Variants in BBX observed in about 807,000 individuals in gnomAD.
BBX encodes BBX high mobility group box domain containing.
Under a neutral mutation model 100.2 loss-of-function variants are expected in BBX, and 30 were observed. That is an observed-to-expected ratio of 0.30 (90% CI 0.22 to 0.41). BBX has a LOEUF of 0.41. Among genes scored for constraint, BBX ranks in the 10% least tolerant of loss-of-function variants. The pLI is 1.00. For missense variants in BBX, 1,023 were observed against 1,129.8 expected (o/e 0.91, Z 1.35); for synonymous variants, 376 against 388.1 (o/e 0.97, Z 0.37).
intron 3 of BBX, among the ~76,000 whole-genome samples, chr3:107,667,104 G>A (rs2058792481): frequency 6.6e-6 from 1 of 152,152 alleles, no homozygotes; most frequent in African/African-American, 2.4e-5. Flanking sequence ...CCTATCTCAA[G>A]AAGAACAGAT....
intron 2 of BBX, among the ~76,000 whole-genome samples, chr3:107,618,525 A>G (rs1478273474): frequency 6.6e-6 from 1 of 152,088 alleles, no homozygotes; most frequent in Non-Finnish European, 1.5e-5. Context: ...TTTCAAAAAA[A>G]GTATTTAGTG....
chr3:107,545,448 T>C (rs996281716), intron 2 of BBX, among the ~76,000 whole-genome samples: 1 of 152,174 alleles, frequency 6.6e-6, no homozygotes, highest in Non-Finnish European at 1.5e-5. Flanking sequence ...GGTAGCTAAA[T>C]GGAAATAAAA....
chr3:107,590,329 A>G (rs1366898556), intron 2 of BBX, among the ~76,000 whole-genome samples: 2 of 152,206 alleles, frequency 1.3e-5, no homozygotes, highest in Non-Finnish European at 2.9e-5. Flanking sequence ...TACAGTGTGT[A>G]ATGATCAGAT....
chr3:107,594,797 G>GA (rs938332723), intron 2 of BBX, among the ~76,000 whole-genome samples: 31 of 149,696 alleles, frequency 2.1e-4, no homozygotes, highest in Admixed American at 7.3e-4. Context: ...CTTGCCTGAA[G>GA]AAAAAAAAAA....
intron 2 of BBX, among the ~76,000 whole-genome samples, chr3:107,643,970 TTA>T (rs1273919361): frequency 1.3e-5 from 2 of 152,162 alleles, no homozygotes; most frequent in Non-Finnish European, 2.9e-5. Context: ...GATTCCTTCG[TTA>T]TTTTAAGAGA....
chr3:107,724,117 A>G (rs1423097794), intron 5 of BBX, among the ~76,000 whole-genome samples: 2 of 152,106 alleles, frequency 1.3e-5, no homozygotes, highest in African/African-American at 4.8e-5. Flanking sequence ...CTGGTGTGAG[A>G]TGGTATCTCA....
intron 9 of BBX, among the ~76,000 whole-genome samples, chr3:107,750,971 G>A (rs968426416): frequency 2.0e-5 from 3 of 152,136 alleles, no homozygotes; most frequent in Non-Finnish European, 2.9e-5. Context: ...GCTGGGCCCC[G>A]CCACCAAAGC....
intron 10 of BBX, among the ~76,000 whole-genome samples, chr3:107,763,046 A>G (rs967645952): frequency 2.0e-5 from 3 of 152,184 alleles, no homozygotes; most frequent in Admixed American, 6.5e-5. Flanking sequence ...TGAAACATAA[A>G]TGAATTTTGT....
chr3:107,746,041 A>G (rs2064567676), intron 8 of BBX, among the ~76,000 whole-genome samples: 1 of 152,148 alleles, frequency 6.6e-6, no homozygotes, highest in Admixed American at 6.5e-5. Context: ...TTAATTTATA[A>G]TAACATCCCC....
Position 107,615,749 on chromosome 3 carries a change from C to T in BBX, c.-83-30087C>T, listed in dbSNP as rs958953861. On this transcript the variant is annotated intron_variant, in intron 2 of 17. Transcript: ENST00000325805. ...TTCAATGATCGAGCTTGAAATGCCT[C>T]TCAGATACCTAGATTGAGATATTCA... Among the ~76,000 whole-genome samples, 5 of 152,156 alleles carry T rather than the reference C, an allele frequency of 3.3e-5. 1 individual carries two copies. The highest frequency in any genetic ancestry group is 7.3e-5 in the Non-Finnish European group (5 of 68,038).
At chr3:107,749,783 A>G (rs750538441) in intron 9 of BBX, among the ~76,000 whole-genome samples, 18 of 151,786 alleles carry the variant, frequency 1.2e-4, no homozygotes, top group Non-Finnish European at 2.2e-4. Context: ...ACAGGTGTCC[A>G]CCACCACGCC....
intron 3 of BBX, among the ~76,000 whole-genome samples, chr3:107,668,996 A>C (rs749287206): frequency 2.6e-5 from 4 of 152,092 alleles, no homozygotes; most frequent in African/African-American, 4.8e-5. Context: ...CCACATTCAG[A>C]GGTTAAAGTT....
chr3:107,743,890 T>G (rs1400140912), intron 7 of BBX, among the ~76,000 whole-genome samples: 1 of 150,594 alleles, frequency 6.6e-6, no homozygotes, highest in East Asian at 1.9e-4. Context: ...GGTAACATTG[T>G]AGGTGATTTT....
intron 2 of BBX, among the ~76,000 whole-genome samples, chr3:107,631,070 T>G (rs1417212321): frequency 6.6e-6 from 1 of 152,206 alleles, no homozygotes; most frequent in East Asian, 1.9e-4. Context: ...GATTCATTAA[T>G]TATAACACCC....
chr3:107,729,001 G>T (rs771891733), intron 6 of BBX, 41 bp downstream of exon 6: 2 of 1,581,800 alleles, frequency 1.3e-6, no homozygotes, highest in African/African-American at 2.7e-5. Context: ...TTAAGGACAG[G>T]GCAATACATT....
intron 15 of BBX, among the ~76,000 whole-genome samples, chr3:107,796,930 G>T (rs913005389): frequency 6.6e-6 from 1 of 152,074 alleles, no homozygotes; most frequent in African/African-American, 2.4e-5. Flanking sequence ...TGGGAGCATT[G>T]CCAAGTAGTT....
chr3:107,555,608 T>A (rs2050037445), intron 2 of BBX, among the ~76,000 whole-genome samples: 1 of 152,190 alleles, frequency 6.6e-6, no homozygotes, highest in Non-Finnish European at 1.5e-5. Flanking sequence ...AATACAATTA[T>A]GTATCCCTCG....
intron 3 of BBX, among the ~76,000 whole-genome samples, chr3:107,699,173 A>C (rs981026057): frequency 1.3e-5 from 2 of 151,834 alleles, no homozygotes; most frequent in Non-Finnish European, 2.9e-5. Context: ...TATTAAGTGT[A>C]GGGTGCTGTG....
intron 3 of BBX, among the ~76,000 whole-genome samples, chr3:107,677,090 C>T (rs749018928): frequency 6.6e-6 from 1 of 151,990 alleles, no homozygotes; most frequent in Non-Finnish European, 1.5e-5. Flanking sequence ...ACTGCCCACT[C>T]ATCATAGGAA....
Sources: gnomAD v4.1 joint callset for allele counts (sites outside exome capture counted in the v4.1 genomes callset) on GRCh38, gnomAD v4.1.1 for gene constraint, MANE v1.5 for transcripts, NCBI Gene and HGNC (gene_info 2026-07-23, HGNC 2026-07-21) for gene names.